LRP1B: variants seen among roughly 807,000 people sequenced by gnomAD.
The protein encoded by LRP1B is LDL receptor related protein 1B, also known as low-density lipoprotein receptor-related protein 1B.
In LRP1B, 217 loss-of-function variants were observed where a neutral mutation model predicts 556.6. The observed-to-expected ratio is 0.39, with a 90% confidence interval of 0.35 to 0.44. The LOEUF (loss-of-function observed/expected upper bound fraction) is 0.44, where lower values mean the gene tolerates loss of function less well. LRP1B is among the 20% of genes least tolerant of loss of function. LRP1B has a pLI of 1.00. For missense variants in LRP1B, 5,053 were observed against 5,620.8 expected, an observed-to-expected ratio of 0.90 and a Z score of 3.23; for synonymous variants, 2,047 against 1,865.8, an observed-to-expected ratio of 1.10 and a Z score of -2.50.
At chr2:142,033,868 T>C (rs1219361685) in intron 1 of LRP1B, among the ~76,000 whole-genome samples, 2 of 151,828 alleles carry the variant, frequency 1.3e-5, no homozygotes, top group Non-Finnish European at 2.9e-5. Context: ...TGTTGTATCA[T>C]TACTAGTAGC....
intron 2 of LRP1B, among the ~76,000 whole-genome samples, chr2:141,659,179 C>T (rs1173888887): frequency 6.6e-6 from 1 of 152,142 alleles, no homozygotes; most frequent in Admixed American, 6.5e-5. Flanking sequence ...GCTAAAATTA[C>T]AGCATAAGCC....
intron 41 of LRP1B, among the ~76,000 whole-genome samples, chr2:140,669,208 C>T (rs1345033511): frequency 6.6e-6 from 1 of 152,038 alleles, no homozygotes; most frequent in Non-Finnish European, 1.5e-5. Flanking sequence ...AATATTAATA[C>T]CTGTTATCTG....
intron 29 of LRP1B, among the ~76,000 whole-genome samples, chr2:140,848,971 G>T (rs1692356098): frequency 6.6e-6 from 1 of 152,018 alleles, no homozygotes; most frequent in South Asian, 2.1e-4. Context: ...AATTCAACCT[G>T]CTGGATCAGG....
chr2:140,385,287 G>A (rs939300585), intron 67 of LRP1B, among the ~76,000 whole-genome samples: 9 of 152,012 alleles, frequency 5.9e-5, no homozygotes, highest in South Asian at 2.1e-4. Context: ...CTACAATCAG[G>A]AGATACTGTC....
chr2:141,559,263 C>T (rs991003910), intron 2 of LRP1B, among the ~76,000 whole-genome samples: 5 of 151,512 alleles, frequency 3.3e-5, no homozygotes, highest in African/African-American at 7.3e-5. Context: ...TGATTATTCT[C>T]AGAGAAAAAT....
At chr2:141,903,555 T>C (rs1229946090) in intron 1 of LRP1B, among the ~76,000 whole-genome samples, 1 of 151,990 alleles carries the variant, frequency 6.6e-6, no homozygotes, top group Non-Finnish European at 1.5e-5. Context: ...TATTTTAACA[T>C]CTGTTAAGTT....
At chr2:140,981,517 A>G (rs1388796507) in intron 18 of LRP1B, among the ~76,000 whole-genome samples, 1 of 152,150 alleles carries the variant, frequency 6.6e-6, no homozygotes, top group Non-Finnish European at 1.5e-5. Context: ...TGGTAACGAA[A>G]CATACTGATG....
intron 2 of LRP1B, among the ~76,000 whole-genome samples, chr2:141,678,405 C>CA (rs994390506): frequency 9.9e-5 from 15 of 151,464 alleles, no homozygotes; most frequent in African/African-American, 2.9e-4. Context: ...AGAGTTGAAA[C>CA]AAAAAAAATG....
chr2:141,688,385 C>T (rs890930701), intron 2 of LRP1B, among the ~76,000 whole-genome samples: 5 of 151,778 alleles, frequency 3.3e-5, no homozygotes, highest in Admixed American at 6.6e-5. Flanking sequence ...CCCTAAAATC[C>T]ATGTTCTATT....
At chr2:140,516,139 A>G (rs1426712911) in intron 50 of LRP1B, among the ~76,000 whole-genome samples, 2 of 152,116 alleles carry the variant, frequency 1.3e-5, no homozygotes, top group Non-Finnish European at 2.9e-5. Flanking sequence ...TATATATATT[A>G]TTGAAAGCTA....
chr2:141,973,179 G>T (rs1283518878), intron 1 of LRP1B, among the ~76,000 whole-genome samples: 1 of 151,462 alleles, frequency 6.6e-6, no homozygotes. Context: ...ATCTAATATT[G>T]TGCTTATTTA....
chr2:140,964,834 C>T (rs748672408), intron 18 of LRP1B, among the ~76,000 whole-genome samples: 1 of 152,086 alleles, frequency 6.6e-6, no homozygotes, highest in Non-Finnish European at 1.5e-5. Flanking sequence ...GGGTGGCTTG[C>T]CACCCACAAC....
In LRP1B at chr2:140,291,320, T is replaced by TATATATATATATATATATGTATATATA. The variant is rs745524571; in HGVS notation, c.12967+6487_12967+6488insTATATATACATATATATATATATATAT. On this transcript the variant is annotated intron_variant, in intron 84 of 90. Transcript: ENST00000389484. Reference sequence around the variant, plus strand: ...ATTTTATATATATATATATATATATTTTTATTATACTTTAAGTTCTAGGGT... The same window carrying TATATATATATATATATATGTATATATA: ...ATTTTATATATATATATATATATATTATATATATATATATATATGTATATATATTTATTATACTTTAAGTTCTAGGGT... Among the ~76,000 whole-genome samples the TATATATATATATATATATGTATATATA allele has an allele frequency of 2.7e-4, 14 of 51,852 alleles. 2 individuals are homozygous for TATATATATATATATATATGTATATATA. The highest frequency in any genetic ancestry group is 5.0e-4 in the Non-Finnish European group (13 of 25,856). 34.0% of individuals were successfully genotyped at this position (51,852 alleles called of 152,430 possible). A position where few individuals can be genotyped will look rare whatever the true frequency, so the allele number is the denominator to read the frequency against.
At position 141,582,827 on chromosome 2, in the gene LRP1B, C is replaced by CTTT. The variant is rs869158175; in HGVS notation, c.206-102297_206-102295dup. ...GAAATCTTGATAATAACCTATTAAA[C>CTTT]TTTTTTTTTTTTTTTTTTTTTTTTT... On this transcript the variant is annotated intron_variant, in intron 2 of 90. Transcript: ENST00000389484. Among the ~76,000 whole-genome samples the CTTT allele has an allele frequency of 7.7e-4, 55 of 71,786 alleles. 1 individual carries two copies. The highest frequency in any genetic ancestry group is 1.0e-3 in the Non-Finnish European group (42 of 41,274). The allele number at this position is 71,786 out of a possible 152,430, so 47.1% of individuals were successfully genotyped here.
Position 140,492,679 on chromosome 2 carries a change from A to C in LRP1B, c.9049T>G (p.Leu3017Val), listed in dbSNP as rs376404959. The C allele has an allele frequency of 3.1e-5, 50 of 1,612,124 alleles. No individual in the cohort carries two copies. In the African/African-American group the frequency reaches 5.3e-4, roughly 17 times the overall value. ...ATCTCATGATGATCAGCAAGAATTA[A>C]AAAAGGTTCTTCATCTAAACACCAA... ...CKSLSDEEPF[L>V]ILADHHEIRK... is the part of the protein sequence containing the mutation. The change falls in exon 57 of 91, where the codon TTA becomes GTA. Residue 3017 changes from leucine to valine, a missense_variant. Physicochemically the swap from Leu to Val is conservative, Grantham distance 32. Transcript: ENST00000389484.
Position 141,624,036 on chromosome 2 carries a change from C to CAAAAAAAAAAAAAAAAAAAAAAAAA in LRP1B, c.206-143504_206-143503insTTTTTTTTTTTTTTTTTTTTTTTTT. Among the ~76,000 whole-genome samples, 619 of 90,548 alleles carry CAAAAAAAAAAAAAAAAAAAAAAAAA rather than the reference C, an allele frequency of 6.8e-3. 5 individuals are homozygous for CAAAAAAAAAAAAAAAAAAAAAAAAA. Among genetic ancestry groups the CAAAAAAAAAAAAAAAAAAAAAAAAA allele is most frequent in the Non-Finnish European group, 9.0e-3 (428 of 47,610 alleles). The allele number at this position is 90,548 out of a possible 152,430, so 59.4% of individuals were successfully genotyped here. On this transcript the variant is annotated intron_variant, in intron 2 of 90. Coordinates refer to ENST00000389484, the MANE Select transcript of LRP1B (RefSeq NM_018557.3). The stretch of plus-strand genomic sequence containing the variant: ...AACTCAAAAAAAAAAAAAAATTAAA[C>CAAAAAAAAAAAAAAAAAAAAAAAAA]AAAAAAAAAAAGAAAAGAAAAAAAA...
intron 3 of LRP1B, among the ~76,000 whole-genome samples, chr2:141,436,576 T>G (rs1410781330): frequency 2.5e-3 from 4 of 1,582 alleles, no homozygotes; most frequent in African/African-American, 3.3e-3. Flanking sequence ...TAAATTACTG[T>G]TTTCTCTCTT....
chr2:140,571,881 G>A (rs976408970), intron 43 of LRP1B, among the ~76,000 whole-genome samples: 1 of 151,648 alleles, frequency 6.6e-6, no homozygotes, highest in Non-Finnish European at 1.5e-5. Context: ...ACAAAGACTT[G>A]AAGAATATTG....
intron 37 of LRP1B, among the ~76,000 whole-genome samples, chr2:140,711,932 G>T (rs1390370272): frequency 2.0e-5 from 3 of 152,164 alleles, no homozygotes; most frequent in Non-Finnish European, 4.4e-5. Context: ...AGACCAAGAA[G>T]TTTAGAAATA....
Sources: gnomAD v4.1 joint callset for allele counts (sites outside exome capture counted in the v4.1 genomes callset) on GRCh38, gnomAD v4.1.1 for gene constraint, MANE v1.5 for transcripts, NCBI Gene and HGNC (gene_info 2026-07-23, HGNC 2026-07-21) for gene names.